TBC1D5: variants seen among roughly 807,000 people sequenced by gnomAD.
TBC1D5 encodes the protein TBC1 domain family member 5, also known as TBC1 domain family, member 5.
In TBC1D5, 75 loss-of-function variants were observed where a neutral mutation model predicts 100.3. The ratio of observed to expected loss-of-function variants is 0.75; its 90% CI spans 0.62 to 0.91. The LOEUF is 0.91. Among genes scored for constraint, TBC1D5 ranks in the 40% least tolerant of loss-of-function variants. TBC1D5 has a pLI of 0.00. For missense variants in TBC1D5, 910 were observed against 942.4 expected, an observed-to-expected ratio of 0.97 and a Z score of 0.45; for synonymous variants, 323 against 325.6, an observed-to-expected ratio of 0.99 and a Z score of 0.09.
chr3:17,331,074 T>C (rs921835380), intron 13 of TBC1D5, among the ~76,000 whole-genome samples: 5 of 152,176 alleles, frequency 3.3e-5, no homozygotes, highest in African/African-American at 1.2e-4. Flanking sequence ...CTCCTCTTCA[T>C]ACTACACCCT....
intron 18 of TBC1D5, among the ~76,000 whole-genome samples, chr3:17,209,210 C>T (rs1357674908): frequency 1.3e-5 from 2 of 152,236 alleles, no homozygotes; most frequent in African/African-American, 4.8e-5. Context: ...TGCAGTGGCA[C>T]AGTCACTGCT....
chr3:17,495,072 A>T (rs1413695918), intron 3 of TBC1D5, among the ~76,000 whole-genome samples: 1 of 151,126 alleles, frequency 6.6e-6, no homozygotes, highest in Non-Finnish European at 1.5e-5. Flanking sequence ...GCTTTTCCTC[A>T]CTCTCCGTGG....
chr3:17,319,795 G>A (rs1029362299), intron 13 of TBC1D5, among the ~76,000 whole-genome samples: 9 of 152,212 alleles, frequency 5.9e-5, no homozygotes, highest in African/African-American at 1.7e-4. Context: ...GTGTGAACCC[G>A]GGAGGCGGAG....
intron 13 of TBC1D5, among the ~76,000 whole-genome samples, chr3:17,369,903 A>C (rs1194966191): frequency 4.6e-5 from 7 of 152,202 alleles, no homozygotes; most frequent in African/African-American, 1.7e-4. Flanking sequence ...ACATATTTTA[A>C]AAAATAATAC....
intron 2 of TBC1D5, among the ~76,000 whole-genome samples, chr3:17,587,891 G>A (rs1576866854): frequency 6.6e-6 from 1 of 151,842 alleles, no homozygotes; most frequent in Admixed American, 6.6e-5. Flanking sequence ...ATTCTCTTTG[G>A]ATGCCTGTTT....
intron 3 of TBC1D5, among the ~76,000 whole-genome samples, chr3:17,476,842 A>G (rs535551070): frequency 2.0e-5 from 3 of 152,068 alleles, no homozygotes; most frequent in Admixed American, 1.3e-4. Flanking sequence ...AGGTTTACTC[A>G]TATTTTTGTA....
chr3:17,382,428 CG>C (rs2092984198), intron 9 of TBC1D5, among the ~76,000 whole-genome samples: 1 of 151,864 alleles, frequency 6.6e-6, no homozygotes, highest in Non-Finnish European at 1.5e-5. Flanking sequence ...AAAAAAAACA[CG>C]TATCTTACTC....
chr3:17,217,302 T>C (rs1033543914), intron 17 of TBC1D5, among the ~76,000 whole-genome samples: 4 of 152,156 alleles, frequency 2.6e-5, no homozygotes, highest in Non-Finnish European at 4.4e-5. Flanking sequence ...CTTATACACA[T>C]TTTTGGCTAT....
At chr3:17,675,324 T>C (rs1325804673) in intron 1 of TBC1D5, among the ~76,000 whole-genome samples, 1 of 152,116 alleles carries the variant, frequency 6.6e-6, no homozygotes, top group Non-Finnish European at 1.5e-5. Flanking sequence ...GACTTAGGAA[T>C]GTGTGAACGT....
chr3:17,483,099 C>A (rs2095519601), intron 3 of TBC1D5, among the ~76,000 whole-genome samples: 1 of 152,030 alleles, frequency 6.6e-6, no homozygotes, highest in African/African-American at 2.4e-5. Flanking sequence ...CATGTAAATA[C>A]TTCTTAGTGT....
intron 1 of TBC1D5, among the ~76,000 whole-genome samples, chr3:17,718,515 T>C (rs2075425856): frequency 6.6e-6 from 1 of 152,108 alleles, no homozygotes; most frequent in Non-Finnish European, 1.5e-5. Flanking sequence ...GAAAATGGCA[T>C]GAACCCTGGA....
At chr3:17,705,473 G>T (rs1287001307) in intron 1 of TBC1D5, among the ~76,000 whole-genome samples, 1 of 148,616 alleles carries the variant, frequency 6.7e-6, no homozygotes, top group Non-Finnish European at 1.5e-5. Flanking sequence ...CGGGCGGAGG[G>T]GCTCCTCACT....
intron 2 of TBC1D5, among the ~76,000 whole-genome samples, chr3:17,538,027 C>G (rs2096301886): frequency 6.6e-6 from 1 of 152,130 alleles, no homozygotes; most frequent in African/African-American, 2.4e-5. Flanking sequence ...ATGATTCAGT[C>G]AGGAAGGGCA....
intron 8 of TBC1D5, among the ~76,000 whole-genome samples, chr3:17,399,930 C>T (rs998093275): frequency 2.6e-5 from 4 of 152,100 alleles, no homozygotes; most frequent in African/African-American, 9.7e-5. Flanking sequence ...CAAATGTCAT[C>T]TTCTCAAAGA....
At chr3:17,698,341 T>C (rs1056971535) in intron 1 of TBC1D5, among the ~76,000 whole-genome samples, 3 of 151,882 alleles carry the variant, frequency 2.0e-5, no homozygotes, top group African/African-American at 7.2e-5. Flanking sequence ...GCTAGCCATA[T>C]GGAGAAAGCT....
chr3:17,621,618 G>C (rs1298567800), intron 2 of TBC1D5, among the ~76,000 whole-genome samples: 1 of 151,936 alleles, frequency 6.6e-6, no homozygotes, highest in Non-Finnish European at 1.5e-5. Context: ...TCCCATAATT[G>C]TCCTTTCCTC....
chr3:17,517,182 C>A (rs777645373), intron 2 of TBC1D5, among the ~76,000 whole-genome samples: 1 of 152,188 alleles, frequency 6.6e-6, no homozygotes, highest in Non-Finnish European at 1.5e-5. Context: ...TAACTTTGCC[C>A]TCTGCCTAGA....
chr3:17,718,626 G>C (rs991647642), intron 1 of TBC1D5, among the ~76,000 whole-genome samples: 1 of 152,004 alleles, frequency 6.6e-6, no homozygotes, highest in Non-Finnish European at 1.5e-5. Flanking sequence ...ATTTACCATT[G>C]TAACCATTTT....
At chr3:17,230,817 G>A (rs997990913) in intron 17 of TBC1D5, among the ~76,000 whole-genome samples, 16 of 152,012 alleles carry the variant, frequency 1.1e-4, no homozygotes, top group African/African-American at 3.4e-4. Context: ...TTTCAGGACC[G>A]CTGTGGATAC....
Sources: allele counts gnomAD v4.1 joint callset (sites outside exome capture counted in the v4.1 genomes callset), GRCh38; gene constraint gnomAD v4.1.1; transcripts MANE v1.5; gene names NCBI Gene and HGNC (gene_info 2026-07-23, HGNC 2026-07-21).